Variants in KIF5C observed in about 807,000 individuals in gnomAD.
KIF5C encodes the protein kinesin family member 5C, also known as kinesin heavy chain isoform 5C.
In KIF5C, 18 loss-of-function variants were observed where a neutral mutation model predicts 125.2. The observed-to-expected ratio is 0.14, with a 90% CI of 0.10 to 0.21. The LOEUF is 0.21. Among genes scored for constraint, KIF5C ranks in the 10% least tolerant of loss-of-function variants. The pLI, the probability that KIF5C is intolerant of heterozygous loss-of-function variation, is 1.00. For missense variants in KIF5C, 780 were observed against 1,183.8 expected (o/e 0.66, Z 5.01); for synonymous variants, 405 against 434.0 (o/e 0.93, Z 0.83).
At chr2:148,988,522 G>T (rs1362517632) in intron 15 of KIF5C, among the ~76,000 whole-genome samples, 2 of 152,146 alleles carry the variant, frequency 1.3e-5, no homozygotes, top group African/African-American at 4.8e-5. Context: ...CTCTTCCCAG[G>T]GTGCCAGAGC....
At chr2:148,976,098 A>G (rs1200806370) in intron 12 of KIF5C, among the ~76,000 whole-genome samples, 1 of 152,150 alleles carries the variant, frequency 6.6e-6, no homozygotes, top group Non-Finnish European at 1.5e-5. Context: ...CCTGACACGA[A>G]CCAAGCTTAA....
intron 12 of KIF5C, among the ~76,000 whole-genome samples, chr2:148,974,863 C>T (rs549386857): frequency 9.2e-5 from 14 of 152,268 alleles, no homozygotes; most frequent in Non-Finnish European, 1.5e-4. Context: ...TATGAATAGA[C>T]GCCTGCATGG....
In KIF5C at chr2:149,005,414, C is replaced by T. The variant is rs1175953621; in HGVS notation, c.2395C>T (p.His799Tyr). ...CCAGTCTAGAGAATTGCAGACACTGCACAACCTTCGGAAACTCTTTGTCCA... is the reference window on the plus strand; with the variant it reads ...CCAGTCTAGAGAATTGCAGACACTGTACAACCTTCGGAAACTCTTTGTCCA... ...ETVSRELQTL[H>Y]NLRKLFVQDL... The change falls in exon 22 of 26, where the codon CAC (histidine) becomes TAC (tyrosine). Residue 799 changes from histidine (H) to tyrosine (Y), a missense_variant. Around this residue, in one of 2 missense-constraint regions of KIF5C, gnomAD observed 573 missense variants for 742.6 expected, o/e 0.77. Transcript: ENST00000435030. The T allele has an allele frequency of 1.9e-6, 3 of 1,613,726 alleles. No individual in the cohort carries two copies. In the African/African-American group the frequency reaches 4.0e-5, roughly 22 times the overall value.
At position 149,011,631 on chromosome 2, in the gene KIF5C, AG is replaced by A; in HGVS notation, c.2834del (p.Gly945GlufsTer18). ...SSPTAVHAIR[G>X]GGGSSSNSTH... ...CTCCAACGGCCGTCCATGCCATTCG[AG>A]GGGGAGGAGGCAGCTCTTCAAATTC... On this transcript the variant is annotated frameshift_variant, in exon 25 of 26. Transcript: ENST00000435030. LOFTEE classifies it high-confidence loss of function. The A allele has an allele frequency of 1.9e-6, 3 of 1,613,986 alleles. No homozygotes were observed. The highest frequency in any genetic ancestry group is 2.5e-6 in the Non-Finnish European group (3 of 1,179,892).
intron 22 of KIF5C, 54 bp downstream of exon 22, chr2:149,005,518 A>C: frequency 6.3e-7 from 1 of 1,597,072 alleles, no homozygotes; most frequent in Non-Finnish European, 8.5e-7. Context: ...ATGGCAGGGA[A>C]GAATCATTTT....
At chr2:148,987,305 T>C (rs1371511402) in intron 15 of KIF5C, among the ~76,000 whole-genome samples, 1 of 152,156 alleles carries the variant, frequency 6.6e-6, no homozygotes, top group Non-Finnish European at 1.5e-5. Context: ...AAATGTATTA[T>C]AATTAGGCCC....
At chr2:148,939,979 A>C (rs1480322266) in intron 4 of KIF5C, among the ~76,000 whole-genome samples, 2 of 152,246 alleles carry the variant, frequency 1.3e-5, no homozygotes, top group East Asian at 3.8e-4. Context: ...TTCTACTTAC[A>C]TTAAATGTGA....
Position 148,875,575 on chromosome 2 carries a change from G to GGCCCCCCCCCCTCCCCCTGCCCC in KIF5C, c.-43_-42insGCCCCCCCCCCTCCCCCTGCCCC. 2 of 699,606 alleles carry GGCCCCCCCCCCTCCCCCTGCCCC rather than the reference G, an allele frequency of 2.9e-6. No individual in the cohort carries two copies. Among genetic ancestry groups the GGCCCCCCCCCCTCCCCCTGCCCC allele is most frequent in the Non-Finnish European group, 5.1e-6 (2 of 389,230 alleles). 43.3% of individuals were successfully genotyped at this position (699,606 alleles called of 1,614,324 possible). On this transcript the variant is annotated 5_prime_UTR_variant, in exon 1 of 26. Coordinates refer to ENST00000435030, the MANE Select transcript of KIF5C (RefSeq NM_004522.3). ...TCCTCCCTCGTCGTTCCCGGCCCCG[G>GGCCCCCCCCCCTCCCCCTGCCCC]CCCCCCACCCATCCCCGTGCCCCCT...
chr2:148,934,321 A>G (rs1363107403), intron 3 of KIF5C, among the ~76,000 whole-genome samples: 4 of 151,718 alleles, frequency 2.6e-5, no homozygotes, highest in Non-Finnish European at 5.9e-5. Flanking sequence ...ATAAACATAC[A>G]GAGATGTACA....
intron 12 of KIF5C, among the ~76,000 whole-genome samples, chr2:148,974,821 A>T (rs1224519716): frequency 6.6e-6 from 1 of 152,164 alleles, no homozygotes; most frequent in Non-Finnish European, 1.5e-5. Flanking sequence ...CCTGGGTGAG[A>T]GGGTGAGAAG....
At chr2:148,897,220 A>G (rs1680708882) in intron 1 of KIF5C, among the ~76,000 whole-genome samples, 1 of 152,224 alleles carries the variant, frequency 6.6e-6, no homozygotes, top group South Asian at 2.1e-4. Context: ...TTATGAAGTG[A>G]CACTGTTAAT....
At chr2:148,880,772 C>T (rs957864049) in intron 1 of KIF5C, among the ~76,000 whole-genome samples, 5 of 152,020 alleles carry the variant, frequency 3.3e-5, no homozygotes, top group Admixed American at 6.6e-5. Flanking sequence ...TAGTGGTTTC[C>T]TTCACATGTA....
chr2:148,976,585 T>A lies in KIF5C; in HGVS notation c.1294-2337T>A, dbSNP rs1363732322. On this transcript the variant is annotated intron_variant, in intron 12 of 25. Coordinates refer to ENST00000435030, the MANE Select transcript of KIF5C (RefSeq NM_004522.3). ...GCCTGGCCGCATGTTATTTTTTTTT[T>A]AATTTTTGAGATGGGGTCTTGTTCT... Among the ~76,000 whole-genome samples the A allele has an allele frequency of 3.3e-5, 5 of 151,736 alleles. No homozygotes were observed. The East Asian group carries it at 7.7e-4, about 23-fold the overall frequency.
At chr2:148,893,811 C>T (rs995440321) in intron 1 of KIF5C, among the ~76,000 whole-genome samples, 24 of 152,214 alleles carry the variant, frequency 1.6e-4, no homozygotes, top group Admixed American at 8.5e-4. Context: ...TATTTTTAGT[C>T]TCATTACCTC....
intron 1 of KIF5C, chr2:148,879,845 A>G (rs139061640): frequency 7.4e-4 from 112 of 152,308 alleles, no homozygotes; most frequent in African/African-American, 2.5e-3. Context: ...CTTGTTAAAG[A>G]TGAGTGCTTC....
Position 148,983,715 on chromosome 2 carries a change from G to A in KIF5C, c.1665G>A (p.Leu555=), listed in dbSNP as rs1406592452. Residue 555 remains leucine, a synonymous_variant, in exon 15 of 26, where the codon TTG becomes TTA. Coordinates refer to ENST00000435030, the MANE Select transcript of KIF5C (RefSeq NM_004522.3). ...CAACTGAGATCCTGAATTTGCTGTT[G>A]AAAGATCTGGGGGAGATAGGTGGAA... ...KRATEILNLL[L]KDLGEIGGII... 7 of 1,612,228 alleles carry A rather than the reference G, an allele frequency of 4.3e-6. No individual in the cohort carries two copies. The highest frequency in any genetic ancestry group is 5.1e-6 in the Non-Finnish European group (6 of 1,178,944).
intron 12 of KIF5C, among the ~76,000 whole-genome samples, chr2:148,976,503 C>T (rs1399345805): frequency 2.0e-5 from 3 of 151,416 alleles, no homozygotes; most frequent in Non-Finnish European, 2.9e-5. Context: ...TTCCTGACCT[C>T]GTGATCCACC....
At chr2:148,904,823 T>C (rs1681039813) in intron 1 of KIF5C, among the ~76,000 whole-genome samples, 2 of 152,190 alleles carry the variant, frequency 1.3e-5, no homozygotes, top group South Asian at 4.1e-4. Context: ...ATTATCTTTG[T>C]AGTTGATAAT....
At chr2:148,919,221 A>T (rs1401654856) in intron 1 of KIF5C, among the ~76,000 whole-genome samples, 1 of 152,132 alleles carries the variant, frequency 6.6e-6, no homozygotes, top group Admixed American at 6.5e-5. Context: ...GACAGAAAGG[A>T]GGCAGAGGTC....
Sources: allele counts gnomAD v4.1 joint callset (sites outside exome capture counted in the v4.1 genomes callset), GRCh38; gene constraint gnomAD v4.1.1; regional missense constraint gnomAD v4.1.1; transcripts MANE v1.5; gene names NCBI Gene and HGNC (gene_info 2026-07-23, HGNC 2026-07-21).